ITGBL1: variants seen among roughly 807,000 people sequenced by gnomAD.
ITGBL1 encodes integrin beta-like protein 1.
Under a neutral mutation model 68.5 loss-of-function variants are expected in ITGBL1, and 51 were observed. That is an observed-to-expected ratio of 0.74 (90% CI 0.59 to 0.94). The LOEUF (loss-of-function observed/expected upper bound fraction) is 0.94. ITGBL1 is among the 40% of genes least tolerant of loss of function. ITGBL1 has a pLI of 0.00. For synonymous variants in ITGBL1, 209 were observed against 227.3 expected, an observed-to-expected ratio of 0.92 and a Z score of 0.72; for missense variants, 649 against 647.4, an observed-to-expected ratio of 1.00 and a Z score of -0.03.
At chr13:101,576,975 C>T (rs547745325) in intron 4 of ITGBL1, among the ~76,000 whole-genome samples, 22 of 138,070 alleles carry the variant, frequency 1.6e-4, no homozygotes, top group Admixed American at 1.2e-3. Context: ...AAGAAGAAGA[C>T]GGGAACATGC....
intron 2 of ITGBL1, among the ~76,000 whole-genome samples, chr13:101,532,762 G>T (rs562988773): frequency 6.6e-6 from 1 of 152,196 alleles, no homozygotes; most frequent in South Asian, 2.1e-4. Flanking sequence ...CTAAATAATA[G>T]CATTTCACTG....
intron 7 of ITGBL1, among the ~76,000 whole-genome samples, chr13:101,650,301 CTAAT>C: frequency 6.6e-6 from 1 of 152,168 alleles, no homozygotes; most frequent in Non-Finnish European, 1.5e-5. Flanking sequence ...TTTAAATGAA[CTAAT>C]TGTTTTGCAA....
chr13:101,494,685 T>C (rs956517257), intron 2 of ITGBL1, among the ~76,000 whole-genome samples: 1 of 152,178 alleles, frequency 6.6e-6, no homozygotes, highest in Non-Finnish European at 1.5e-5. Flanking sequence ...TTAACTAATG[T>C]GGTAATTTAC....
intron 9 of ITGBL1, chr13:101,711,741 G>C (rs2034476237): frequency 6.6e-6 from 1 of 152,164 alleles, no homozygotes; most frequent in Non-Finnish European, 1.5e-5. Flanking sequence ...AGACACATGA[G>C]AAAATGTGGC....
chr13:101,539,659 G>C (rs1368041869), intron 2 of ITGBL1, among the ~76,000 whole-genome samples: 4 of 151,294 alleles, frequency 2.6e-5, no homozygotes, highest in African/African-American at 7.3e-5. Flanking sequence ...TTAGTTTACA[G>C]TCCCACCAAC....
chr13:101,699,410 G>T lies in ITGBL1; in HGVS notation c.1132+6709G>T, dbSNP rs534154838. 1.0e-3 allele frequency among the ~76,000 whole-genome samples: 159 copies of T among 152,196 alleles called. 1 individual carries two copies. The highest frequency in any genetic ancestry group is 6.8e-3 in the Middle Eastern group (2 of 294). On this transcript the variant is annotated intron_variant, in intron 8 of 10. Transcript: ENST00000376180. ...CCCCACGCAAATTTCATCTTGAATT[G>T]TAGTTTCTATAATCCCCAAGTGTCG...
chr13:101,452,840 C>A lies in ITGBL1; in HGVS notation c.7C>A (p.Pro3Thr), dbSNP rs752269800. The A allele has an allele frequency of 6.2e-7, 1 of 1,613,570 alleles. No homozygotes were observed. Among genetic ancestry groups the A allele is most frequent in the Non-Finnish European group, 8.5e-7 (1 of 1,179,530 alleles). The change falls in exon 1 of 11, where the codon CCC (proline) becomes ACC (threonine). Residue 3 changes from proline (P) to threonine (T), a missense_variant. Coordinates refer to ENST00000376180, the MANE Select transcript of ITGBL1 (RefSeq NM_004791.3). ...AGCAGCCCAGGAGCTCAGCATGCGT[C>A]CCCCAGGCTTCAGGAACTTCTTGCT... MR[P>T]PGFRNFLLLA...
intron 7 of ITGBL1, among the ~76,000 whole-genome samples, chr13:101,600,527 G>A (rs1299286629): frequency 1.3e-5 from 2 of 152,048 alleles, no homozygotes; most frequent in African/African-American, 4.8e-5. Flanking sequence ...GTTTTCAAAG[G>A]GAATGCTTCC....
chr13:101,530,970 G>A (rs1344703953), intron 2 of ITGBL1, among the ~76,000 whole-genome samples: 1 of 152,082 alleles, frequency 6.6e-6, no homozygotes, highest in Non-Finnish European at 1.5e-5. Context: ...AATCATGTTC[G>A]AAAGTCCATG....
At chr13:101,517,855 C>T (rs1440565717) in intron 2 of ITGBL1, among the ~76,000 whole-genome samples, 1 of 152,160 alleles carries the variant, frequency 6.6e-6, no homozygotes, top group East Asian at 1.9e-4. Context: ...TGGGTGGCTA[C>T]TTACCTGTGC....
chr13:101,579,558 C>T (rs1285415886), intron 5 of ITGBL1, 131 bp downstream of exon 5: 2 of 894,122 alleles, frequency 2.2e-6, no homozygotes, highest in Non-Finnish European at 3.3e-6. Context: ...TGATGTAAAT[C>T]AACATTTACT....
chr13:101,583,973 A>G (rs1292705665), intron 6 of ITGBL1, among the ~76,000 whole-genome samples: 1 of 152,232 alleles, frequency 6.6e-6, no homozygotes, highest in Non-Finnish European at 1.5e-5. Flanking sequence ...GTTGACAATG[A>G]ACAGGATAGT....
At chr13:101,581,890 G>A (rs913326307) in intron 5 of ITGBL1, among the ~76,000 whole-genome samples, 1 of 152,094 alleles carries the variant, frequency 6.6e-6, no homozygotes, top group South Asian at 2.1e-4. Flanking sequence ...CCCCTTCAGG[G>A]CAAGAAAGTA....
At chr13:101,485,266 T>C (rs893239933) in intron 2 of ITGBL1, among the ~76,000 whole-genome samples, 2 of 152,188 alleles carry the variant, frequency 1.3e-5, no homozygotes, top group Non-Finnish European at 2.9e-5. Context: ...GAATCTACAC[T>C]AAGTCATGAA....
intron 7 of ITGBL1, among the ~76,000 whole-genome samples, chr13:101,614,142 G>A (rs372137534): frequency 2.0e-4 from 31 of 152,132 alleles, no homozygotes; most frequent in African/African-American, 6.7e-4. Flanking sequence ...TTTGAATACC[G>A]GCAGCATACA....
At chr13:101,523,080 A>G (rs1001736612) in intron 2 of ITGBL1, among the ~76,000 whole-genome samples, 1 of 152,194 alleles carries the variant, frequency 6.6e-6, no homozygotes, top group Non-Finnish European at 1.5e-5. Context: ...GCTTTATGAA[A>G]ATTCAATCTT....
intron 7 of ITGBL1, among the ~76,000 whole-genome samples, chr13:101,651,984 T>C (rs1451650690): frequency 6.6e-6 from 1 of 152,210 alleles, no homozygotes; most frequent in Admixed American, 6.5e-5. Context: ...TGGTTATAGA[T>C]GTGCAGTCTT....
chr13:101,696,684 T>C (rs748478), intron 8 of ITGBL1, among the ~76,000 whole-genome samples: 34,403 of 152,030 alleles, frequency 0.23, 4,224 homozygotes, highest in Admixed American at 0.31. Context: ...GAAGTTGTAT[T>C]GAGAGTGTCC....
intron 8 of ITGBL1, among the ~76,000 whole-genome samples, chr13:101,701,923 G>A (rs1333182458): frequency 6.6e-6 from 1 of 152,110 alleles, no homozygotes; most frequent in African/African-American, 2.4e-5. Context: ...GGTGGTGATG[G>A]TTGTACGACA....
Sources: allele counts gnomAD v4.1 joint callset (sites outside exome capture counted in the v4.1 genomes callset), GRCh38; gene constraint gnomAD v4.1.1; transcripts MANE v1.5; gene names NCBI Gene and HGNC (gene_info 2026-07-23, HGNC 2026-07-21).